CHEK2: variants seen among roughly 807,000 people sequenced by gnomAD.
The protein encoded by CHEK2 is checkpoint kinase 2, also known as serine/threonine-protein kinase Chk2.
CHEK2 carries 71 observed loss-of-function variants against 69.1 expected under a neutral mutation model. The observed-to-expected ratio is 1.03, with a 90% CI of 0.85 to 1.25. The LOEUF (loss-of-function observed/expected upper bound fraction) is 1.25, where lower values mean the gene tolerates loss of function less well. CHEK2 is among the 50% of genes most tolerant of loss of function. CHEK2 has a pLI of 0.00. For missense variants in CHEK2, 664 were observed against 649.6 expected (o/e 1.02, Z -0.24); for synonymous variants, 189 against 226.9 (o/e 0.83, Z 1.50).
At chr22:28,736,363 T>G (rs2054404202) in intron 1 of CHEK2, among the ~76,000 whole-genome samples, 1 of 152,122 alleles carries the variant, frequency 6.6e-6, no homozygotes, top group African/African-American at 2.4e-5. Flanking sequence ...GTACCCCTTT[T>G]CCCCCAGGCT....
At chr22:28,701,336 C>G (rs975213139) in intron 8 of CHEK2, among the ~76,000 whole-genome samples, 3 of 152,080 alleles carry the variant, frequency 2.0e-5, no homozygotes, top group Non-Finnish European at 4.4e-5. Flanking sequence ...CTCAGCCACC[C>G]AAGGAGCTGG....
At chr22:28,695,569 A>G in intron 11 of CHEK2, 141 bp downstream of exon 11, 1 of 753,534 alleles carries the variant, frequency 1.3e-6, no homozygotes, top group South Asian at 1.5e-5. Flanking sequence ...AGGTGGGAGG[A>G]TCACTTGACC....
intron 10 of CHEK2, 121 bp downstream of exon 10, chr22:28,696,780 T>C: frequency 2.8e-6 from 2 of 707,982 alleles, no homozygotes; most frequent in South Asian, 1.5e-5. Flanking sequence ...CTAAAATAAT[T>C]GGTAACAGTG....
intron 4 of CHEK2, among the ~76,000 whole-genome samples, chr22:28,720,885 G>A (rs2053750686): frequency 6.6e-6 from 1 of 152,210 alleles, no homozygotes; most frequent in East Asian, 1.9e-4. Context: ...GTCCACACAA[G>A]TCAGGAAGGT....
Position 28,699,369 on chromosome 22 carries a change from T to C in CHEK2, c.1008+469A>G, listed in dbSNP as rs868493262. ...ACACAGTGAGAGCTTTTTCTTTTTT[T>C]TTTTTTTTTTTTTTTGAGATGGAGT... On this transcript the variant is annotated intron_variant, in intron 9 of 14. Coordinates refer to ENST00000404276, the MANE Select transcript of CHEK2 (RefSeq NM_007194.4). Among the ~76,000 whole-genome samples the C allele has an allele frequency of 7.2e-4, 100 of 138,920 alleles. 2 individuals are homozygous for C. The South Asian group carries it at 0.015, about 21-fold the overall frequency. The allele number at this position is 138,920 out of a possible 152,430, so 91.1% of individuals were successfully genotyped here.
chr22:28,690,330 A>G (rs1601705711), intron 13 of CHEK2, among the ~76,000 whole-genome samples: 1 of 152,110 alleles, frequency 6.6e-6, no homozygotes, highest in East Asian at 1.9e-4. Context: ...CGTCACTACA[A>G]AAAAAATTAA....
intron 5 of CHEK2, among the ~76,000 whole-genome samples, chr22:28,713,631 C>T (rs1371680399): frequency 6.6e-6 from 1 of 150,794 alleles, no homozygotes; most frequent in Non-Finnish European, 1.5e-5. Flanking sequence ...GCTGGGATTA[C>T]AGGCGTGAGC....
chr22:28,700,298 G>A (rs1434345034), intron 8 of CHEK2, among the ~76,000 whole-genome samples: 3 of 144,522 alleles, frequency 2.1e-5, no homozygotes, highest in East Asian at 2.2e-4. Flanking sequence ...TGCAACCTCC[G>A]CTTCCCAGGT....
At chr22:28,709,899 A>G in intron 7 of CHEK2, 107 bp downstream of exon 7, 2 of 668,636 alleles carry the variant, frequency 3.0e-6, no homozygotes, top group Non-Finnish European at 2.6e-6. Context: ...TACAGGCATC[A>G]GCCACCACAC....
At chr22:28,700,737 T>C (rs1228032724) in intron 8 of CHEK2, among the ~76,000 whole-genome samples, 3 of 152,162 alleles carry the variant, frequency 2.0e-5, no homozygotes, top group Admixed American at 2.0e-4. Context: ...AATTAAGAGA[T>C]GGCTGATGTA....
chr22:28,721,502 G>T (rs2053780894), intron 4 of CHEK2: 1 of 369,540 alleles, frequency 2.7e-6, no homozygotes, highest in South Asian at 2.1e-5. Context: ...GACCAGGCTG[G>T]TCTCGAACTC....
At chr22:28,728,858 C>A (rs1165619516) in intron 2 of CHEK2, among the ~76,000 whole-genome samples, 5 of 152,144 alleles carry the variant, frequency 3.3e-5, no homozygotes, top group African/African-American at 9.7e-5. Flanking sequence ...GTGGCACATG[C>A]CTGAGGTCCC....
intron 2 of CHEK2, chr22:28,726,393 A>C (rs1014705119): frequency 4.7e-5 from 7 of 147,544 alleles, no homozygotes; most frequent in Admixed American, 6.9e-5. Flanking sequence ...ACAAATATTT[A>C]ATATATATTA....
intron 5 of CHEK2, among the ~76,000 whole-genome samples, chr22:28,715,560 C>G (rs2053560421): frequency 6.6e-6 from 1 of 152,030 alleles, no homozygotes; most frequent in Admixed American, 6.6e-5. Context: ...GCTGGGACTA[C>G]AGACATATGC....
At chr22:28,688,755 G>A (rs1205043940) in intron 14 of CHEK2, among the ~76,000 whole-genome samples, 3 of 152,036 alleles carry the variant, frequency 2.0e-5, no homozygotes, top group Middle Eastern at 3.2e-3. Flanking sequence ...AAGCAGGACT[G>A]GAATTAACTT....
chr22:28,708,402 T>TGTGTGTGTGTG (rs1569135425), intron 7 of CHEK2, among the ~76,000 whole-genome samples: 20 of 146,824 alleles, frequency 1.4e-4, no homozygotes, highest in South Asian at 8.6e-4. Context: ...TGTGTGTGTG[T>TGTGTGTGTGTG]TAAAGAGAGA....
Position 28,689,168 on chromosome 22 carries a change from A to G in CHEK2, c.1509T>C (p.Asn503=), listed in dbSNP as rs1569104223. The G allele has an allele frequency of 6.3e-7, 1 of 1,595,386 alleles. No homozygotes were observed. Among genetic ancestry groups the G allele is most frequent in the South Asian group, 1.1e-5 (1 of 90,958 alleles). ...GAACCTGGGGTAGAGCTGTGGATTC[A>G]TTTTCCTCAGACAGAAGATCTTGAA... ...RKFQDLLSEE[N]ESTALPQVLA... is the part of the protein sequence containing the mutation. The change falls in exon 14 of 15, where the codon AAT becomes AAC. Residue 503 remains asparagine, a synonymous_variant. Coordinates refer to ENST00000404276, the MANE Select transcript of CHEK2 (RefSeq NM_007194.4).
At chr22:28,696,425 G>A (rs2052587764) in intron 10 of CHEK2, among the ~76,000 whole-genome samples, 1 of 152,212 alleles carries the variant, frequency 6.6e-6, no homozygotes, top group African/African-American at 2.4e-5. Flanking sequence ...ACAGGCTGGA[G>A]TGCAGTGGTG....
At chr22:28,728,063 C>T (rs1177732847) in intron 2 of CHEK2, 5 of 152,134 alleles carry the variant, frequency 3.3e-5, no homozygotes, top group African/African-American at 1.2e-4. Flanking sequence ...GCCTGAAGGT[C>T]GAGGCTGCAC....
Sources: gnomAD v4.1 joint callset for allele counts (sites outside exome capture counted in the v4.1 genomes callset) on GRCh38, gnomAD v4.1.1 for gene constraint, MANE v1.5 for transcripts, NCBI Gene and HGNC (gene_info 2026-07-23, HGNC 2026-07-21) for gene names.